Variants in CBFA2T2 observed in about 807,000 individuals in gnomAD.
CBFA2T2 encodes the protein CBFA2/RUNX1 partner transcriptional co-repressor 2.
A neutral mutation model predicts 62.2 loss-of-function variants in CBFA2T2; 11 were observed. The observed-to-expected ratio is 0.18, with a 90% CI of 0.11 to 0.29. The LOEUF (loss-of-function observed/expected upper bound fraction) is 0.29. CBFA2T2 is among the 10% of genes least tolerant of loss of function. The probability of loss-of-function intolerance (pLI) is 1.00; values close to 1 mark genes in which losing one functional copy is unlikely to be tolerated. For missense variants in CBFA2T2, 592 were observed against 774.1 expected, an observed-to-expected ratio of 0.76 and a Z score of 2.79; for synonymous variants, 295 against 287.5, an observed-to-expected ratio of 1.03 and a Z score of -0.27.
intron 3 of CBFA2T2, among the ~76,000 whole-genome samples, chr20:33,612,859 G>A (rs1385171354): frequency 1.3e-5 from 2 of 152,204 alleles, no homozygotes; most frequent in Non-Finnish European, 2.9e-5. Context: ...GCCAAGGTGG[G>A]AGGATTGCTT....
rs144346919 is a variant in CBFA2T2, at chr20:33,542,685, G to T, written c.34+52384G>T. On this transcript the variant is annotated intron_variant, in intron 1 of 10. Coordinates refer to ENST00000342704, the MANE Select transcript of CBFA2T2 (RefSeq NM_001032999.3). ...TTCTTACTAAGTCTTTTTTTGGGGGGTTCAGGAACAGGGTCTTGCTCTGCC... is the reference window on the plus strand; with the variant it reads ...TTCTTACTAAGTCTTTTTTTGGGGGTTTCAGGAACAGGGTCTTGCTCTGCC... 4.3e-4 allele frequency among the ~76,000 whole-genome samples: 66 copies of T among 152,044 alleles called. 1 individual carries two copies. Among genetic ancestry groups the T allele is most frequent in the Middle Eastern group, 3.4e-3 (1 of 294 alleles).
intron 3 of CBFA2T2, among the ~76,000 whole-genome samples, chr20:33,617,849 G>C (rs757134753): frequency 2.0e-5 from 3 of 152,106 alleles, no homozygotes; most frequent in African/African-American, 7.2e-5. Context: ...CCTTTTCCCT[G>C]AAGGAAAATG....
chr20:33,513,899 T>G (rs1189245620), intron 1 of CBFA2T2, among the ~76,000 whole-genome samples: 18 of 147,972 alleles, frequency 1.2e-4, no homozygotes, highest in Non-Finnish European at 2.5e-4. Context: ...TTGTTTTGTG[T>G]TTTTTTTTGT....
chr20:33,582,546 C>T lies in CBFA2T2; in HGVS notation c.35-24410C>T, dbSNP rs34029352. On this transcript the variant is annotated intron_variant, in intron 1 of 10. Coordinates refer to ENST00000342704, the MANE Select transcript of CBFA2T2 (RefSeq NM_001032999.3). ...ATTAGGAATGACAGCACAGGCCGGGCGCGGTGGCGTACACCTGTAATCCCA... is the reference window on the plus strand; with the variant it reads ...ATTAGGAATGACAGCACAGGCCGGGTGCGGTGGCGTACACCTGTAATCCCA... Among the ~76,000 whole-genome samples, 133 of 151,892 alleles carry T rather than the reference C, an allele frequency of 8.8e-4. 1 individual carries two copies. The highest frequency in any genetic ancestry group is 7.4e-3 in the Admixed American group (113 of 15,260).
At chr20:33,618,867 C>T (rs2015816460) in intron 3 of CBFA2T2, among the ~76,000 whole-genome samples, 1 of 152,108 alleles carries the variant, frequency 6.6e-6, no homozygotes, top group Non-Finnish European at 1.5e-5. Flanking sequence ...GCAATGAACC[C>T]CTCAATATCA....
At position 33,582,031 on chromosome 20, in the gene CBFA2T2, C is replaced by T. The variant is rs528746000; in HGVS notation, c.35-24925C>T. Among the ~76,000 whole-genome samples the T allele has an allele frequency of 3.3e-5, 5 of 152,252 alleles. No individual in the cohort carries two copies. The East Asian group carries it at 7.7e-4, about 24-fold the overall frequency. ...ATTTGATTGTACTTATAAGATTCAGCTAAATCTTCCCTTTTTTGTCCCAGT... is the reference window on the plus strand; with the variant it reads ...ATTTGATTGTACTTATAAGATTCAGTTAAATCTTCCCTTTTTTGTCCCAGT... On this transcript the variant is annotated intron_variant, in intron 1 of 10. Transcript: ENST00000342704.
intron 1 of CBFA2T2, among the ~76,000 whole-genome samples, chr20:33,493,276 A>C (rs892082503): frequency 1.3e-5 from 2 of 150,628 alleles, no homozygotes; most frequent in African/African-American, 4.9e-5. Context: ...GGGTTTCACT[A>C]CATTGGCCAG....
intron 1 of CBFA2T2, chr20:33,573,918 C>CT (rs34530300): frequency 0.089 from 29,880 of 337,154 alleles, 1,882 homozygotes; most frequent in East Asian, 0.28. Context: ...ATAGCTAGGA[C>CT]TAGAGGCATT....
chr20:33,628,888 T>TA (rs1247542985), intron 7 of CBFA2T2, among the ~76,000 whole-genome samples: 2 of 152,242 alleles, frequency 1.3e-5, no homozygotes, highest in Non-Finnish European at 2.9e-5. Context: ...GCTGAGGAAT[T>TA]ACAGAGTCAC....
chr20:33,511,985 C>A (rs893825827), intron 1 of CBFA2T2, among the ~76,000 whole-genome samples: 1 of 152,150 alleles, frequency 6.6e-6, no homozygotes, highest in Non-Finnish European at 1.5e-5. Context: ...TGAGACCAGC[C>A]AGGCCAACAT....
chr20:33,612,402 G>A (rs1389816247), intron 3 of CBFA2T2, among the ~76,000 whole-genome samples: 3 of 152,188 alleles, frequency 2.0e-5, no homozygotes, highest in African/African-American at 4.8e-5. Flanking sequence ...TGAAGCTGCA[G>A]CTCTCCGAGT....
chr20:33,492,377 C>CT (rs1243493088), intron 1 of CBFA2T2, among the ~76,000 whole-genome samples: 1 of 149,170 alleles, frequency 6.7e-6, no homozygotes, highest in Non-Finnish European at 1.5e-5. Flanking sequence ...AGTAGTCTTC[C>CT]TTTGTTTCTT....
intron 1 of CBFA2T2, among the ~76,000 whole-genome samples, chr20:33,501,295 A>C (rs1007827785): frequency 5.9e-5 from 9 of 152,166 alleles, no homozygotes; most frequent in Admixed American, 1.3e-4. Context: ...CCTCTCTTAC[A>C]AATGTTTCCC....
chr20:33,513,304 A>G (rs773459937), intron 1 of CBFA2T2, among the ~76,000 whole-genome samples: 1 of 151,272 alleles, frequency 6.6e-6, no homozygotes, highest in Non-Finnish European at 1.5e-5. Context: ...GAGGGCATAC[A>G]GTCGTGAAGA....
At chr20:33,564,246 G>A (rs2013198291) in intron 1 of CBFA2T2, among the ~76,000 whole-genome samples, 1 of 150,900 alleles carries the variant, frequency 6.6e-6, no homozygotes, top group South Asian at 2.1e-4. Flanking sequence ...AGGTGGAGGG[G>A]ACTTTTTTCT....
intron 1 of CBFA2T2, among the ~76,000 whole-genome samples, chr20:33,512,692 A>G (rs2011530915): frequency 6.6e-6 from 1 of 151,248 alleles, no homozygotes. Context: ...GTTTTGGACT[A>G]TTAGGAATAA....
At chr20:33,544,315 T>C (rs906155498) in intron 1 of CBFA2T2, among the ~76,000 whole-genome samples, 3 of 152,130 alleles carry the variant, frequency 2.0e-5, no homozygotes, top group African/African-American at 7.2e-5. Context: ...CTCAGGACCT[T>C]TACCTAGACA....
intron 1 of CBFA2T2, among the ~76,000 whole-genome samples, chr20:33,597,447 TATGG>T (rs1206710496): frequency 6.6e-6 from 1 of 152,136 alleles, no homozygotes; most frequent in Non-Finnish European, 1.5e-5. Flanking sequence ...TGCATACCGG[TATGG>T]ATCTGTGACC....
chr20:33,536,678 G>T (rs1260995486), intron 1 of CBFA2T2, among the ~76,000 whole-genome samples: 1 of 150,428 alleles, frequency 6.6e-6, no homozygotes, highest in Admixed American at 6.6e-5. Flanking sequence ...GGGCAGAGAC[G>T]CTCCTCACCT....
Sources: gnomAD v4.1 joint callset for allele counts (sites outside exome capture counted in the v4.1 genomes callset) on GRCh38, gnomAD v4.1.1 for gene constraint, MANE v1.5 for transcripts, NCBI Gene and HGNC (gene_info 2026-07-23, HGNC 2026-07-21) for gene names.